The following ZFHX3 variants were observed in gnomAD, a reference collection of about 807,000 sequenced individuals.
ZFHX3 encodes the protein zinc finger homeobox 3.
A neutral mutation model predicts 279.1 loss-of-function variants in ZFHX3; 42 were observed. The observed-to-expected ratio is 0.15, with a 90% CI of 0.12 to 0.19. The LOEUF is 0.19. Among genes scored for constraint, ZFHX3 ranks in the 10% least tolerant of loss-of-function variants. The pLI is 1.00. For synonymous variants in ZFHX3, 2,293 were observed against 1,957.8 expected, an observed-to-expected ratio of 1.17 and a Z score of -4.52; for missense variants, 4,981 against 4,754.0, an observed-to-expected ratio of 1.05 and a Z score of -1.40.
intron 2 of ZFHX3, among the ~76,000 whole-genome samples, chr16:73,558,021 G>A (rs1311133071): frequency 8.5e-5 from 13 of 152,172 alleles, no homozygotes; most frequent in Admixed American, 8.5e-4. Flanking sequence ...ATCTACAGGG[G>A]TCCCGAATGG....
intron 3 of ZFHX3, among the ~76,000 whole-genome samples, chr16:73,348,701 C>T (rs767961139): frequency 3.9e-5 from 6 of 152,236 alleles, no homozygotes; most frequent in Non-Finnish European, 7.3e-5. Flanking sequence ...GTTCTTTGCA[C>T]TGAACCCTTG....
intron 1 of ZFHX3, among the ~76,000 whole-genome samples, chr16:73,020,053 C>T (rs965549716): frequency 2.6e-5 from 4 of 152,110 alleles, no homozygotes; most frequent in Non-Finnish European, 5.9e-5. Flanking sequence ...TACCCTGCAA[C>T]ATCTCACACA....
chr16:73,728,180 A>G (rs1251774458), intron 1 of ZFHX3, among the ~76,000 whole-genome samples: 1 of 151,880 alleles, frequency 6.6e-6, no homozygotes, highest in Non-Finnish European at 1.5e-5. Flanking sequence ...AGAAAAGGAG[A>G]TTTGGATTTC....
chr16:73,185,344 C>G (rs1243885971), intron 5 of ZFHX3, among the ~76,000 whole-genome samples: 1 of 152,112 alleles, frequency 6.6e-6, no homozygotes, highest in East Asian at 1.9e-4. Context: ...CTCATTTTAC[C>G]AAATGGCAAC....
chr16:73,102,839 CG>C (rs1300223107), intron 7 of ZFHX3, among the ~76,000 whole-genome samples: 1 of 152,144 alleles, frequency 6.6e-6, no homozygotes, highest in Non-Finnish European at 1.5e-5. Context: ...AGAAAACAAA[CG>C]TAAGTACTTA....
chr16:73,801,463 G>A (rs1408348520), intron 1 of ZFHX3, among the ~76,000 whole-genome samples: 1 of 152,178 alleles, frequency 6.6e-6, no homozygotes, highest in Non-Finnish European at 1.5e-5. Context: ...AAATTGGTTT[G>A]CAACTAATTC....
chr16:73,622,344 G>A (rs970284920), intron 2 of ZFHX3, among the ~76,000 whole-genome samples: 5 of 152,176 alleles, frequency 3.3e-5, no homozygotes, highest in Admixed American at 6.5e-5. Flanking sequence ...GGATCACGAG[G>A]TCAGGAGATC....
chr16:73,457,646 G>T (rs182203212), intron 2 of ZFHX3, among the ~76,000 whole-genome samples: 1 of 152,324 alleles, frequency 6.6e-6, no homozygotes, highest in Admixed American at 6.5e-5. Flanking sequence ...AGTGGCGCAT[G>T]CCTGTATTCC....
chr16:73,748,848 C>T (rs553564259), intron 1 of ZFHX3, among the ~76,000 whole-genome samples: 155 of 152,162 alleles, frequency 1.0e-3, no homozygotes, highest in South Asian at 2.7e-3. Context: ...AGTGCAATGG[C>T]GCAGTCTTCG....
intron 5 of ZFHX3, among the ~76,000 whole-genome samples, chr16:72,827,504 G>A (rs1286943325): frequency 6.6e-6 from 1 of 152,184 alleles, no homozygotes; most frequent in Non-Finnish European, 1.5e-5. Flanking sequence ...CCCAAATCGT[G>A]ACAACAAAGG....
chr16:73,163,933 A>G (rs1487948514), intron 5 of ZFHX3, among the ~76,000 whole-genome samples: 1 of 152,136 alleles, frequency 6.6e-6, no homozygotes, highest in African/African-American at 2.4e-5. Context: ...CTTGCTTGCC[A>G]TAGTCTTGTG....
At chr16:73,499,836 T>C (rs2019204386) in intron 2 of ZFHX3, 2 of 152,208 alleles carry the variant, frequency 1.3e-5, no homozygotes, top group African/African-American at 2.4e-5. Flanking sequence ...TCCTGTAAGA[T>C]TACAATGGCG....
At chr16:72,856,514 C>T (rs2037759280) in intron 4 of ZFHX3, among the ~76,000 whole-genome samples, 1 of 152,312 alleles carries the variant, frequency 6.6e-6, no homozygotes, top group Admixed American at 6.5e-5. Flanking sequence ...CCCAAACCAC[C>T]TCTGGGAGGA....
At chr16:73,411,869 T>A (rs963766015) in intron 3 of ZFHX3, among the ~76,000 whole-genome samples, 1 of 152,174 alleles carries the variant, frequency 6.6e-6, no homozygotes, top group Non-Finnish European at 1.5e-5. Context: ...GACATTTGAG[T>A]GTGTGACCTC....
chr16:73,847,017 A>G (rs1160109662), intron 1 of ZFHX3, among the ~76,000 whole-genome samples: 1 of 152,148 alleles, frequency 6.6e-6, no homozygotes, highest in Non-Finnish European at 1.5e-5. Flanking sequence ...AAAGCCCTTA[A>G]GGGGCCAGGC....
intron 1 of ZFHX3, chr16:73,006,179 A>G (rs555985020): frequency 6.6e-6 from 1 of 152,316 alleles, no homozygotes; most frequent in Non-Finnish European, 1.5e-5. Context: ...CATAGTCTCC[A>G]TTGTGTTCCC....
At chr16:72,875,717 ATGCTTT>A (rs2038292167) in intron 4 of ZFHX3, among the ~76,000 whole-genome samples, 1 of 152,242 alleles carries the variant, frequency 6.6e-6, no homozygotes, top group Non-Finnish European at 1.5e-5. Context: ...CGAGATGACA[ATGCTTT>A]AATCCTGCTG....
chr16:72,890,801 A>T (rs1597351264), intron 3 of ZFHX3, among the ~76,000 whole-genome samples: 3 of 152,372 alleles, frequency 2.0e-5, no homozygotes. Flanking sequence ...GTTTTATTGG[A>T]ACACAGCCAC....
chr16:73,344,290 A>G (rs1189049419), intron 3 of ZFHX3, among the ~76,000 whole-genome samples: 1 of 152,184 alleles, frequency 6.6e-6, no homozygotes, highest in Non-Finnish European at 1.5e-5. Flanking sequence ...TCTAATCATA[A>G]GGAAACATCA....
Sources: allele counts gnomAD v4.1 joint callset (sites outside exome capture counted in the v4.1 genomes callset), GRCh38; gene constraint gnomAD v4.1.1; transcripts MANE v1.5; gene names NCBI Gene and HGNC (gene_info 2026-07-23, HGNC 2026-07-21).